Variants in GPR158 observed in about 807,000 individuals in gnomAD.
GPR158 encodes G protein-coupled receptor 158.
Under a neutral mutation model 78.2 loss-of-function variants are expected in GPR158, and 30 were observed. That is an observed-to-expected ratio of 0.38 (90% CI 0.29 to 0.52). The LOEUF (loss-of-function observed/expected upper bound fraction) is 0.52, where lower values mean the gene tolerates loss of function less well. Ranked by LOEUF, GPR158 falls within the 20% of genes least tolerant of loss-of-function variation. The probability of loss-of-function intolerance (pLI) is 0.83; values close to 1 mark genes in which losing one functional copy is unlikely to be tolerated. For missense variants in GPR158, 1,463 were observed against 1,523.5 expected (o/e 0.96, Z 0.66); for synonymous variants, 581 against 591.1 (o/e 0.98, Z 0.25).
At chr10:25,478,519 T>TA (rs1410415448) in intron 5 of GPR158, among the ~76,000 whole-genome samples, 1 of 149,386 alleles carries the variant, frequency 6.7e-6, no homozygotes, top group Non-Finnish European at 1.5e-5. Flanking sequence ...TGTGTGTGTG[T>TA]GTGTGTGTAG....
intron 2 of GPR158, among the ~76,000 whole-genome samples, chr10:25,325,648 A>G (rs965034040): frequency 2.0e-5 from 3 of 152,176 alleles, no homozygotes; most frequent in Non-Finnish European, 4.4e-5. Context: ...TTACTGGATC[A>G]TATGCTAGTT....
intron 9 of GPR158, among the ~76,000 whole-genome samples, 164 bp from the exon 10 acceptor site, chr10:25,596,479 C>G (rs1383073081): frequency 1.3e-5 from 2 of 151,848 alleles, no homozygotes; most frequent in African/African-American, 4.8e-5. Context: ...GTTTGTCTGT[C>G]TGTGTCTCTC....
intron 1 of GPR158, among the ~76,000 whole-genome samples, chr10:25,219,823 A>AT (rs1272976308): frequency 6.6e-6 from 1 of 152,214 alleles, no homozygotes; most frequent in Non-Finnish European, 1.5e-5. Context: ...GTGTGGCAAA[A>AT]TAGGATTGTT....
At chr10:25,446,538 G>A (rs1157250610) in intron 4 of GPR158, among the ~76,000 whole-genome samples, 1 of 152,042 alleles carries the variant, frequency 6.6e-6, no homozygotes, top group African/African-American at 2.4e-5. Flanking sequence ...AGTATACTTT[G>A]TCCATGGCTT....
intron 2 of GPR158, among the ~76,000 whole-genome samples, chr10:25,370,992 C>T (rs1833981679): frequency 6.8e-6 from 1 of 146,728 alleles, no homozygotes; most frequent in Admixed American, 6.8e-5. Flanking sequence ...GATTGCAACC[C>T]CTGCCTTTTT....
intron 2 of GPR158, among the ~76,000 whole-genome samples, chr10:25,358,361 G>A (rs113639871): frequency 0.1 from 15,165 of 151,956 alleles, 1,872 homozygotes; most frequent in African/African-American, 0.3. Context: ...GGGAGAGGCT[G>A]GGGTGAAATG....
At chr10:25,412,812 A>C (rs1834611031) in intron 4 of GPR158, among the ~76,000 whole-genome samples, 1 of 152,182 alleles carries the variant, frequency 6.6e-6, no homozygotes. Context: ...TTTGTATCCA[A>C]GAAGCTTTGT....
intron 2 of GPR158, among the ~76,000 whole-genome samples, chr10:25,263,237 A>G (rs533727537): frequency 1.3e-5 from 2 of 152,194 alleles, no homozygotes; most frequent in African/African-American, 4.8e-5. Flanking sequence ...TGCCTAAATT[A>G]TTTTTGCATG....
At chr10:25,593,066 C>T (rs1365260536) in intron 8 of GPR158, among the ~76,000 whole-genome samples, 2 of 151,926 alleles carry the variant, frequency 1.3e-5, no homozygotes, top group Non-Finnish European at 2.9e-5. Context: ...AGCCCTATCC[C>T]TGTTTAATGA....
intron 7 of GPR158, among the ~76,000 whole-genome samples, chr10:25,583,105 A>G (rs963314487): frequency 2.6e-5 from 4 of 152,212 alleles, no homozygotes; most frequent in African/African-American, 9.6e-5. Flanking sequence ...GGTTCTCTGC[A>G]GACATATCCT....
chr10:25,490,954 G>T (rs1835801574), intron 5 of GPR158, among the ~76,000 whole-genome samples: 1 of 152,116 alleles, frequency 6.6e-6, no homozygotes, highest in Non-Finnish European at 1.5e-5. Context: ...TTTGTAAGTA[G>T]ATATGTTTAA....
At chr10:25,328,179 C>T (rs1280601653) in intron 2 of GPR158, among the ~76,000 whole-genome samples, 1 of 143,656 alleles carries the variant, frequency 7.0e-6, no homozygotes, top group Non-Finnish European at 1.5e-5. Context: ...AAGAGAAATA[C>T]ATAGATATAT....
intron 5 of GPR158, among the ~76,000 whole-genome samples, chr10:25,503,893 CTTT>C (rs60614079): frequency 1.4e-5 from 2 of 140,680 alleles, no homozygotes; most frequent in African/African-American, 2.6e-5. Flanking sequence ...TCTATTTTCA[CTTT>C]TTTTTTTTTT....
intron 2 of GPR158, among the ~76,000 whole-genome samples, chr10:25,225,877 A>C (rs1853366046): frequency 6.6e-6 from 1 of 152,160 alleles, no homozygotes. Flanking sequence ...AGGTAAGAAA[A>C]CATATCATTT....
At chr10:25,186,103 A>T (rs1432323958) in intron 1 of GPR158, among the ~76,000 whole-genome samples, 2 of 152,208 alleles carry the variant, frequency 1.3e-5, no homozygotes, top group African/African-American at 4.8e-5. Flanking sequence ...GAAACTGAAC[A>T]ACCTGCTCCT....
intron 1 of GPR158, among the ~76,000 whole-genome samples, chr10:25,187,057 C>T (rs192570645): frequency 1.2e-3 from 184 of 151,188 alleles, no homozygotes; most frequent in Non-Finnish European, 1.8e-3. Flanking sequence ...CTCCACCTCC[C>T]GAGTTCATGC....
At chr10:25,252,347 T>C (rs978704256) in intron 2 of GPR158, among the ~76,000 whole-genome samples, 2 of 152,212 alleles carry the variant, frequency 1.3e-5, no homozygotes, top group African/African-American at 4.8e-5. Flanking sequence ...CTTTGTTCTG[T>C]TGCTGGTGAG....
chr10:25,533,896 C>A (rs1009240675), intron 5 of GPR158, among the ~76,000 whole-genome samples: 1 of 152,306 alleles, frequency 6.6e-6, no homozygotes, highest in African/African-American at 2.4e-5. Context: ...AATTCCTTAA[C>A]TTTGCCTCAG....
At chr10:25,304,397 AAC>A (rs1430156272) in intron 2 of GPR158, among the ~76,000 whole-genome samples, 1 of 152,048 alleles carries the variant, frequency 6.6e-6, no homozygotes, top group Non-Finnish European at 1.5e-5. Context: ...CCCCTTTTAT[AAC>A]ACAGTGTTTC....
Sources: gnomAD v4.1 joint callset for allele counts (sites outside exome capture counted in the v4.1 genomes callset) on GRCh38, gnomAD v4.1.1 for gene constraint, MANE v1.5 for transcripts, NCBI Gene and HGNC (gene_info 2026-07-23, HGNC 2026-07-21) for gene names.